SND1: variants seen among roughly 807,000 people sequenced by gnomAD.
SND1 encodes the protein staphylococcal nuclease and tudor domain containing 1, also known as staphylococcal nuclease domain-containing protein 1.
In SND1, 38 loss-of-function variants were observed where a neutral mutation model predicts 121.7. That is an observed-to-expected ratio of 0.31 (90% CI 0.24 to 0.41). The LOEUF (loss-of-function observed/expected upper bound fraction) is 0.41. Among genes scored for constraint, SND1 ranks in the 10% least tolerant of loss-of-function variants. The pLI is 1.00. For synonymous variants in SND1, 401 were observed against 447.4 expected (o/e 0.90, Z 1.31); for missense variants, 868 against 1,184.6 (o/e 0.73, Z 3.92).
chr7:127,953,526 G>T (rs1378678808), intron 15 of SND1, among the ~76,000 whole-genome samples: 2 of 152,070 alleles, frequency 1.3e-5, no homozygotes, highest in Non-Finnish European at 2.9e-5. Flanking sequence ...TGTGCATGTG[G>T]ACTGGACCAG....
chr7:127,701,536 AGTCCT>A (rs145358495), intron 5 of SND1, among the ~76,000 whole-genome samples: 6 of 143,080 alleles, frequency 4.2e-5, no homozygotes, highest in South Asian at 4.3e-4. Flanking sequence ...TGCAGAAGCT[AGTCCT>A]GTGCTGTTGC....
At chr7:127,735,827 G>A (rs1796767235) in intron 10 of SND1, among the ~76,000 whole-genome samples, 1 of 152,060 alleles carries the variant, frequency 6.6e-6, no homozygotes, top group African/African-American at 2.4e-5. Context: ...GGGTTTCACT[G>A]TGTTGACCAG....
At chr7:127,686,790 C>A in intron 2 of SND1, 28 bp downstream of exon 2, 1 of 1,600,454 alleles carries the variant, frequency 6.2e-7, no homozygotes, top group Non-Finnish European at 8.6e-7. Flanking sequence ...CCATCGTGAG[C>A]CTGTGGACCT....
At chr7:128,017,436 C>T (rs940695387) in intron 16 of SND1, among the ~76,000 whole-genome samples, 5 of 152,244 alleles carry the variant, frequency 3.3e-5, no homozygotes, top group Non-Finnish European at 5.9e-5. Flanking sequence ...TGTCCCAGTA[C>T]AGGGCCACCT....
At chr7:127,865,078 A>G (rs1799444779) in intron 12 of SND1, among the ~76,000 whole-genome samples, 1 of 152,252 alleles carries the variant, frequency 6.6e-6, no homozygotes. Context: ...GCATCTCAAC[A>G]GCAGTATTCA....
intron 12 of SND1, among the ~76,000 whole-genome samples, chr7:127,871,472 T>C (rs1183677412): frequency 6.6e-6 from 1 of 152,160 alleles, no homozygotes; most frequent in African/African-American, 2.4e-5. Flanking sequence ...CCATAGCAGA[T>C]TTTTTTAGCT....
At chr7:127,953,188 G>A (rs1445609020) in intron 15 of SND1, among the ~76,000 whole-genome samples, 5 of 136,332 alleles carry the variant, frequency 3.7e-5, no homozygotes, top group African/African-American at 1.4e-4. Context: ...GTGTGTGTGT[G>A]TGTGTGTGTG....
chr7:127,952,587 C>T (rs1033531454), intron 15 of SND1, among the ~76,000 whole-genome samples: 8 of 150,100 alleles, frequency 5.3e-5, no homozygotes, highest in African/African-American at 1.9e-4. Context: ...TCAGTAGATC[C>T]GTTAGCCACT....
At chr7:127,725,118 G>A (rs1245316479) in intron 10 of SND1, among the ~76,000 whole-genome samples, 1 of 152,160 alleles carries the variant, frequency 6.6e-6, no homozygotes, top group Non-Finnish European at 1.5e-5. Context: ...TATGGGTGTG[G>A]TAAGAAACAT....
chr7:127,723,206 CTGAG>C (rs777954703), intron 10 of SND1, among the ~76,000 whole-genome samples: 24 of 152,156 alleles, frequency 1.6e-4, no homozygotes, highest in Non-Finnish European at 2.9e-4. Flanking sequence ...TAACCTACTA[CTGAG>C]TATTTTTAGT....
intron 12 of SND1, among the ~76,000 whole-genome samples, 197 bp downstream of exon 12, chr7:127,844,621 A>G (rs750690320): frequency 1.3e-5 from 2 of 152,122 alleles, no homozygotes; most frequent in Non-Finnish European, 2.9e-5. Context: ...GTATACTTTC[A>G]TTATTGTAGT....
intron 16 of SND1, among the ~76,000 whole-genome samples, chr7:128,038,028 TC>T (rs1792784086): frequency 6.6e-6 from 1 of 152,204 alleles, no homozygotes; most frequent in Non-Finnish European, 1.5e-5. Context: ...AAGGGATACC[TC>T]CAGATCAGGG....
chr7:128,091,407 A>G (rs535778439), intron 22 of SND1, among the ~76,000 whole-genome samples: 2 of 150,812 alleles, frequency 1.3e-5, no homozygotes, highest in South Asian at 4.2e-4. Context: ...TTTTTTTAAT[A>G]GAGATGGGGT....
At chr7:127,664,408 G>A (rs1018897465) in intron 1 of SND1, among the ~76,000 whole-genome samples, 1 of 152,170 alleles carries the variant, frequency 6.6e-6, no homozygotes, top group Non-Finnish European at 1.5e-5. Flanking sequence ...GCCAATGTAA[G>A]GTAACCTCCT....
At chr7:127,958,349 T>G (rs2116866228) in intron 15 of SND1, among the ~76,000 whole-genome samples, 1 of 152,298 alleles carries the variant, frequency 6.6e-6, no homozygotes, top group East Asian at 1.9e-4. Context: ...CCTATTTTTA[T>G]TTTCACTGTT....
intron 16 of SND1, among the ~76,000 whole-genome samples, chr7:128,064,336 T>G (rs1199440499): frequency 1.3e-5 from 2 of 152,036 alleles, no homozygotes; most frequent in African/African-American, 4.8e-5. Flanking sequence ...CACCCTCCAG[T>G]ATCATGGAGG....
chr7:127,835,844 T>C (rs1798857387), intron 11 of SND1, among the ~76,000 whole-genome samples: 1 of 152,186 alleles, frequency 6.6e-6, no homozygotes, highest in Admixed American at 6.5e-5. Flanking sequence ...AAATTTGATG[T>C]TTATATGTGC....
chr7:127,878,519 C>T (rs1799731402), intron 12 of SND1, among the ~76,000 whole-genome samples: 1 of 152,170 alleles, frequency 6.6e-6, no homozygotes. Context: ...CAAGGCGCTG[C>T]AGCTCTTGAC....
In SND1 at chr7:128,029,694, C is replaced by T; in HGVS notation, c.1779+38638C>T. The T allele has an allele frequency of 6.2e-7, 1 of 1,613,876 alleles. No homozygotes were observed. The highest frequency in any genetic ancestry group is 1.6e-4 in the Middle Eastern group (1 of 6,062). ...GGTGGAATTGGTGGGTATATACTCT[C>T]GAAGCCACCAGGCTAGCCACAGAAT... On this transcript the variant is annotated intron_variant, in intron 16 of 23. Coordinates refer to ENST00000354725, the MANE Select transcript of SND1 (RefSeq NM_014390.4). The surrounding 1 kb of genome is among the most constrained non-coding windows in gnomAD (Gnocchi z 4.2).
Sources: gnomAD v4.1 joint callset for allele counts (sites outside exome capture counted in the v4.1 genomes callset) on GRCh38, gnomAD v4.1.1 for gene constraint, Gnocchi (gnomAD v3.1) non-coding constraint, MANE v1.5 for transcripts, NCBI Gene and HGNC (gene_info 2026-07-23, HGNC 2026-07-21) for gene names.